Variants in PIERCE2 observed in about 807,000 individuals in gnomAD.
PIERCE2 encodes piercer of microtubule wall 2.
chr15:55,418,266 A>G, the PIERCE2 span: 1 of 1,554,426 alleles, frequency 6.4e-7, no homozygotes, highest in Non-Finnish European at 8.7e-7. Context: ...ACAGAAATGA[A>G]ATCTGAACAA....
At chr15:55,409,708 G>C in the PIERCE2 span, among the ~76,000 whole-genome samples, 1 of 152,074 alleles carries the variant, frequency 6.6e-6, no homozygotes, top group African/African-American at 2.4e-5. Flanking sequence ...TCAATGGCTT[G>C]TTTTCATTTA....
the PIERCE2 span, among the ~76,000 whole-genome samples, chr15:55,412,910 G>C: frequency 6.6e-6 from 1 of 152,084 alleles, no homozygotes; most frequent in Admixed American, 6.6e-5. Context: ...CAGGAGGATT[G>C]CTTGAGACCA....
chr15:55,408,638 C>G, the PIERCE2 span: 4 of 622,686 alleles, frequency 6.4e-6, no homozygotes, highest in African/African-American at 7.4e-5. Context: ...ATCCACCCAG[C>G]TATTCATCTT....
the PIERCE2 span, among the ~76,000 whole-genome samples, chr15:55,410,348 G>A: frequency 6.6e-6 from 1 of 152,270 alleles, no homozygotes; most frequent in East Asian, 1.9e-4. Flanking sequence ...AACAAGAAGA[G>A]TTCTCAGCTG....
At chr15:55,408,518 G>T in the PIERCE2 span, 1 of 350,432 alleles carries the variant, frequency 2.9e-6, no homozygotes, top group Admixed American at 4.8e-5. Context: ...TCCGGGAGCC[G>T]GCGACCACTT....
At chr15:55,417,632 A>C in the PIERCE2 span, 2 of 152,228 alleles carry the variant, frequency 1.3e-5, no homozygotes, top group African/African-American at 4.8e-5. Flanking sequence ...AAATTCTCAT[A>C]GTTCTAGTAC....
the PIERCE2 span, chr15:55,418,252 A>G: frequency 6.4e-7 from 1 of 1,558,350 alleles, no homozygotes; most frequent in Non-Finnish European, 8.7e-7. Context: ...CTTCAAATTC[A>G]GACACAGAAA....
the PIERCE2 span, chr15:55,417,707 A>AT: frequency 6.0e-6 from 1 of 167,326 alleles, no homozygotes; most frequent in Admixed American, 5.7e-5. Context: ...GGTGTATGTG[A>AT]TTTTAAGGGT....
chr15:55,410,837 A>T, the PIERCE2 span: 1 of 152,222 alleles, frequency 6.6e-6, no homozygotes, highest in East Asian at 1.9e-4. Context: ...CCCTGTGCTG[A>T]GGAAACCTAG....
chr15:55,410,915 T>C, the PIERCE2 span: 1 of 152,230 alleles, frequency 6.6e-6, no homozygotes, highest in Non-Finnish European at 1.5e-5. Context: ...TTTACTATTA[T>C]CCAGTATCTG....
the PIERCE2 span, chr15:55,408,783 C>A: frequency 0.1 from 157,318 of 1,519,880 alleles, 12,567 homozygotes; most frequent in African/African-American, 0.42. Context: ...CAGACCGCAA[C>A]CGGGTGAGTT....
At chr15:55,418,095 A>G in the PIERCE2 span, 2 of 1,583,968 alleles carry the variant, frequency 1.3e-6, no homozygotes, top group African/African-American at 1.4e-5. Flanking sequence ...GCTTGGGCTC[A>G]GAGGCCTGAC....
the PIERCE2 span, among the ~76,000 whole-genome samples, chr15:55,413,123 C>T: frequency 2.0e-5 from 3 of 152,068 alleles, no homozygotes; most frequent in Admixed American, 1.3e-4. Flanking sequence ...AAAAAATTAG[C>T]CGGGCACGGT....
At chr15:55,412,093 C>CAAAAAAAAA in the PIERCE2 span, among the ~76,000 whole-genome samples, 2 of 82,066 alleles carry the variant, frequency 2.4e-5, no homozygotes, top group Non-Finnish European at 4.3e-5. Context: ...TTTGTCTCCA[C>CAAAAAAAAA]AAAAAAAAAA....
the PIERCE2 span, chr15:55,408,682 G>C: frequency 1.2e-6 from 1 of 834,790 alleles, no homozygotes; most frequent in Non-Finnish European, 1.9e-6. Flanking sequence ...CGGTTAAAAG[G>C]CCACGTCCCT....
chr15:55,410,676 C>G, the PIERCE2 span: 1 of 152,084 alleles, frequency 6.6e-6, no homozygotes, highest in Non-Finnish European at 1.5e-5. Context: ...AAAAAGAGTT[C>G]TCAGTGACTG....
At chr15:55,413,934 G>A in the PIERCE2 span, among the ~76,000 whole-genome samples, 1 of 147,702 alleles carries the variant, frequency 6.8e-6, no homozygotes, top group African/African-American at 2.5e-5. Flanking sequence ...GTCTCGCTCT[G>A]TCGCCCAGGC....
chr15:55,413,517 G>C, the PIERCE2 span, among the ~76,000 whole-genome samples: 1 of 152,024 alleles, frequency 6.6e-6, no homozygotes, highest in African/African-American at 2.4e-5. Context: ...CCAGCACTTT[G>C]GGAGGCCAAG....
At chr15:55,412,121 G>C in the PIERCE2 span, among the ~76,000 whole-genome samples, 3 of 129,586 alleles carry the variant, frequency 2.3e-5, no homozygotes, top group African/African-American at 5.4e-5. Context: ...AAAAAAAATT[G>C]ATCCCATTCA....
Sources: allele counts gnomAD v4.1 joint callset (sites outside exome capture counted in the v4.1 genomes callset), GRCh38; gene constraint gnomAD v4.1.1; transcripts MANE v1.5; gene names NCBI Gene and HGNC (gene_info 2026-07-23, HGNC 2026-07-21).